Variants in ERC2 observed in about 807,000 individuals in gnomAD.
ERC2 encodes ELKS/RAB6-interacting/CAST family member 2.
ERC2 carries 42 observed loss-of-function variants against 114.8 expected under a neutral mutation model. The ratio of observed to expected loss-of-function variants is 0.37; its 90% confidence interval spans 0.29 to 0.47. The LOEUF (loss-of-function observed/expected upper bound fraction) is 0.47, where lower values mean the gene tolerates loss of function less well. Ranked by LOEUF, ERC2 falls within the 20% of genes least tolerant of loss-of-function variation. The probability of loss-of-function intolerance (pLI) is 0.99; values close to 1 mark genes in which losing one functional copy is unlikely to be tolerated. For synonymous variants in ERC2, 454 were observed against 425.5 expected (o/e 1.07, Z -0.82); for missense variants, 939 against 1,150.7 (o/e 0.82, Z 2.66).
intron 7 of ERC2, among the ~76,000 whole-genome samples, chr3:56,061,917 A>G (rs2076261314): frequency 6.6e-6 from 1 of 152,234 alleles, no homozygotes. Flanking sequence ...GCTGATATAC[A>G]CGTGGGTATA....
intron 17 of ERC2, among the ~76,000 whole-genome samples, chr3:55,550,042 C>T (rs547307450): frequency 1.3e-5 from 2 of 152,192 alleles, no homozygotes; most frequent in African/African-American, 4.8e-5. Context: ...GGACCATACT[C>T]TTTGACAGGA....
intron 3 of ERC2, among the ~76,000 whole-genome samples, chr3:56,187,629 G>A (rs1268042604): frequency 6.6e-6 from 1 of 152,166 alleles, no homozygotes; most frequent in Non-Finnish European, 1.5e-5. Flanking sequence ...AAGACGGAAT[G>A]GCTGCTACCA....
intron 14 of ERC2, among the ~76,000 whole-genome samples, chr3:55,800,947 ACT>A (rs1180375917): frequency 6.0e-5 from 9 of 151,050 alleles, no homozygotes; most frequent in Non-Finnish European, 1.3e-4. Flanking sequence ...GCTCTAGGGG[ACT>A]CTCTCTTCTT....
At chr3:55,820,934 T>C (rs1240430071) in intron 14 of ERC2, among the ~76,000 whole-genome samples, 2 of 152,194 alleles carry the variant, frequency 1.3e-5, no homozygotes, top group African/African-American at 4.8e-5. Context: ...GTCAGGCTAA[T>C]GTTTTATAAC....
chr3:55,865,141 A>G (rs187254853), intron 14 of ERC2, among the ~76,000 whole-genome samples: 3 of 152,328 alleles, frequency 2.0e-5, no homozygotes, highest in African/African-American at 7.2e-5. Flanking sequence ...TTATAACATA[A>G]TGACCCAATT....
At chr3:55,657,656 T>G (rs2148699185) in intron 17 of ERC2, 1 of 152,222 alleles carries the variant, frequency 6.6e-6, no homozygotes, top group East Asian at 1.9e-4. Flanking sequence ...GAGAGGATTT[T>G]GCCATGTTTC....
intron 3 of ERC2, among the ~76,000 whole-genome samples, chr3:56,198,921 G>A (rs931917756): frequency 6.6e-6 from 1 of 152,190 alleles, no homozygotes; most frequent in African/African-American, 2.4e-5. Context: ...GTGGCGAATA[G>A]GAATGAGCTT....
At chr3:56,113,990 T>G (rs2079099561) in intron 6 of ERC2, among the ~76,000 whole-genome samples, 1 of 152,186 alleles carries the variant, frequency 6.6e-6, no homozygotes, top group African/African-American at 2.4e-5. Context: ...GCCTGCAGCC[T>G]GGCCATCCTG....
intron 6 of ERC2, among the ~76,000 whole-genome samples, chr3:56,111,998 G>C (rs148328483): frequency 2.0e-5 from 3 of 151,904 alleles, no homozygotes; most frequent in African/African-American, 7.3e-5. Flanking sequence ...ATATGTTCTG[G>C]ATACATTCTC....
intron 1 of ERC2, among the ~76,000 whole-genome samples, 172 bp downstream of exon 1, chr3:56,468,076 C>T (rs1312921647): frequency 6.8e-6 from 1 of 147,710 alleles, no homozygotes; most frequent in African/African-American, 2.5e-5. Flanking sequence ...CCCATCCCTC[C>T]CCCCGCCCAA....
intron 14 of ERC2, among the ~76,000 whole-genome samples, chr3:55,847,115 T>C (rs2061401501): frequency 6.6e-6 from 1 of 152,152 alleles, no homozygotes; most frequent in African/African-American, 2.4e-5. Context: ...AGGATATATA[T>C]CTTTAATATA....
intron 3 of ERC2, among the ~76,000 whole-genome samples, chr3:56,174,322 A>G (rs1216090147): frequency 6.6e-6 from 1 of 152,242 alleles, no homozygotes; most frequent in Non-Finnish European, 1.5e-5. Flanking sequence ...TTGTCTTAGC[A>G]GAAGAGAAGA....
At chr3:55,561,919 G>A (rs951408377) in intron 17 of ERC2, among the ~76,000 whole-genome samples, 2 of 152,130 alleles carry the variant, frequency 1.3e-5, no homozygotes, top group African/African-American at 2.4e-5. Context: ...TCATAAAAGT[G>A]GCTATCTCTT....
At chr3:55,659,673 CA>C (rs2061037222) in intron 17 of ERC2, among the ~76,000 whole-genome samples, 1 of 152,134 alleles carries the variant, frequency 6.6e-6, no homozygotes, top group South Asian at 2.1e-4. Flanking sequence ...TCAATCTCTT[CA>C]AAAAACTAGC....
In ERC2 at chr3:55,917,279, T is replaced by C. The variant is rs2065154115; in HGVS notation, c.2404-28730A>G. Among the ~76,000 whole-genome samples, 4 of 152,268 alleles carry C rather than the reference T, an allele frequency of 2.6e-5. No homozygotes were observed. The East Asian group carries it at 7.7e-4, about 29-fold the overall frequency. ...AAAAATAAATGGCAGGGGTAAAAACTTGTTAATGAATGTTCATAGCAACAT... is the reference window on the plus strand; with the variant it reads ...AAAAATAAATGGCAGGGGTAAAAACCTGTTAATGAATGTTCATAGCAACAT... On this transcript the variant is annotated intron_variant, in intron 13 of 17. Transcript: ENST00000288221.
intron 5 of ERC2, among the ~76,000 whole-genome samples, chr3:56,141,626 A>G (rs2080859652): frequency 6.6e-6 from 1 of 152,200 alleles, no homozygotes; most frequent in East Asian, 1.9e-4. Flanking sequence ...CATTATTACA[A>G]CTATACCAAA....
intron 6 of ERC2, among the ~76,000 whole-genome samples, chr3:56,127,830 C>A (rs1316033811): frequency 6.6e-6 from 1 of 151,452 alleles, no homozygotes; most frequent in African/African-American, 2.4e-5. Flanking sequence ...TTGTAGCCAA[C>A]TGATTTTCAA....
chr3:56,218,503 A>G (rs1000551235), intron 3 of ERC2, among the ~76,000 whole-genome samples: 5 of 152,228 alleles, frequency 3.3e-5, no homozygotes, highest in Non-Finnish European at 7.3e-5. Flanking sequence ...GGTGCTAAAG[A>G]GGATGTGGAG....
chr3:55,802,594 T>C (rs1434459094), intron 14 of ERC2, among the ~76,000 whole-genome samples: 1 of 152,156 alleles, frequency 6.6e-6, no homozygotes, highest in Non-Finnish European at 1.5e-5. Context: ...AAGGAAGAAA[T>C]ATTTGGTTTT....
Sources: allele counts gnomAD v4.1 joint callset (sites outside exome capture counted in the v4.1 genomes callset), GRCh38; gene constraint gnomAD v4.1.1; transcripts MANE v1.5; gene names NCBI Gene and HGNC (gene_info 2026-07-23, HGNC 2026-07-21).